The following TENM2 variants were observed in gnomAD, a reference collection of about 807,000 sequenced individuals.
TENM2 encodes teneurin transmembrane protein 2, also known as teneurin-2.
TENM2 carries 52 observed loss-of-function variants against 245.2 expected under a neutral mutation model. That is an observed-to-expected ratio of 0.21 (90% CI 0.17 to 0.27). The LOEUF (loss-of-function observed/expected upper bound fraction) is 0.27. TENM2 is among the 10% of genes least tolerant of loss of function. The pLI is 1.00. For missense variants in TENM2, 3,046 were observed against 3,666.8 expected (o/e 0.83, Z 4.37); for synonymous variants, 1,363 against 1,438.9 (o/e 0.95, Z 1.19).
chr5:167,392,804 ATATT>A (rs1042980850), intron 2 of TENM2, among the ~76,000 whole-genome samples: 5 of 152,284 alleles, frequency 3.3e-5, no homozygotes, highest in East Asian at 3.9e-4. Context: ...TGTACTCAGA[ATATT>A]TATTTAGTTA....
At chr5:166,979,225 CAG>C in the TENM2 span, among the ~76,000 whole-genome samples, 4 of 151,738 alleles carry the variant, frequency 2.6e-5, no homozygotes, top group Non-Finnish European at 5.9e-5. Flanking sequence ...GCAGCAGCAG[CAG>C]CAGCAGCAGC....
intron 2 of TENM2, among the ~76,000 whole-genome samples, chr5:167,380,902 A>G (rs996016504): frequency 6.6e-6 from 1 of 152,072 alleles, no homozygotes; most frequent in African/African-American, 2.4e-5. Flanking sequence ...TCATTTTTTT[A>G]AGTTTAGTTG....
intron 1 of TENM2, among the ~76,000 whole-genome samples, chr5:167,306,791 C>A (rs1358991146): frequency 6.6e-6 from 1 of 152,202 alleles, no homozygotes; most frequent in Non-Finnish European, 1.5e-5. Context: ...CCCTCTTTCT[C>A]TAACACAGAT....
rs1196429343 is a variant in TENM2, at chr5:167,512,470, A to G, written c.502+136997A>G. Among the ~76,000 whole-genome samples, 6 of 152,172 alleles carry G rather than the reference A, an allele frequency of 3.9e-5. No homozygotes were observed. In the East Asian group the frequency reaches 9.6e-4, roughly 24 times the overall value. On this transcript the variant is annotated intron_variant, in intron 2 of 28. Coordinates refer to ENST00000518659, the Ensembl canonical transcript of TENM2. Reference sequence around the variant, plus strand: ...TAATAAAACGTAATTTTCATTTTACATTATACAGATTACAATCCCTACACT... The same window carrying G: ...TAATAAAACGTAATTTTCATTTTACGTTATACAGATTACAATCCCTACACT...
intron 1 of TENM2, among the ~76,000 whole-genome samples, chr5:167,303,999 T>C (rs768831356): frequency 6.6e-6 from 1 of 152,194 alleles, no homozygotes; most frequent in Non-Finnish European, 1.5e-5. Flanking sequence ...TCTGTAATGG[T>C]CACTTGTGGA....
At chr5:167,870,401 A>T (rs923028585) in intron 2 of TENM2, among the ~76,000 whole-genome samples, 1 of 152,038 alleles carries the variant, frequency 6.6e-6, no homozygotes, top group Non-Finnish European at 1.5e-5. Context: ...TTGGAGTCAG[A>T]TGACTTGGGT....
chr5:167,244,272 A>G, the TENM2 span, among the ~76,000 whole-genome samples: 6 of 152,208 alleles, frequency 3.9e-5, no homozygotes, highest in Non-Finnish European at 7.3e-5. Flanking sequence ...AATAACTATC[A>G]TAATAGTGAC....
chr5:167,038,426 C>T, the TENM2 span, among the ~76,000 whole-genome samples: 6 of 152,138 alleles, frequency 3.9e-5, no homozygotes, highest in Non-Finnish European at 7.4e-5. Context: ...CCTCTATGAC[C>T]AGGGATTGTA....
At chr5:167,266,651 TTTGA>T in the TENM2 span, among the ~76,000 whole-genome samples, 1 of 152,202 alleles carries the variant, frequency 6.6e-6, no homozygotes, top group African/African-American at 2.4e-5. Flanking sequence ...AGTTTCTTTA[TTTGA>T]TTCCTTATCT....
At chr5:167,748,634 G>T (rs954497165) in intron 2 of TENM2, among the ~76,000 whole-genome samples, 5 of 143,102 alleles carry the variant, frequency 3.5e-5, no homozygotes, top group Admixed American at 6.9e-5. Flanking sequence ...AAACAAAGGA[G>T]GTTTAATTGA....
exon 6 of TENM2, chr5:168,047,538 C>A: frequency 6.4e-6 from 10 of 1,551,720 alleles, no homozygotes; most frequent in Non-Finnish European, 8.7e-6. Flanking sequence ...ACAATGCCAT[C>A]TGGAGGCAAA....
intron 19 of TENM2, among the ~76,000 whole-genome samples, chr5:168,209,059 G>C (rs992700417): frequency 2.6e-5 from 4 of 151,984 alleles, no homozygotes; most frequent in Admixed American, 6.6e-5. Context: ...CAGTTATTTT[G>C]TAATTTCATT....
the TENM2 span, among the ~76,000 whole-genome samples, chr5:167,257,700 G>A: frequency 6.6e-6 from 1 of 152,022 alleles, no homozygotes; most frequent in Non-Finnish European, 1.5e-5. Context: ...TTCACAATCA[G>A]TATAATTTTT....
intron 21 of TENM2, among the ~76,000 whole-genome samples, chr5:168,215,687 C>CTTAT (rs773045605): frequency 3.2e-4 from 48 of 152,272 alleles, no homozygotes; most frequent in South Asian, 6.2e-4. Context: ...AAAAGAAAAC[C>CTTAT]TTATTTATTT....
the TENM2 span, among the ~76,000 whole-genome samples, chr5:167,143,368 T>C: frequency 6.6e-6 from 1 of 152,228 alleles, no homozygotes. Context: ...GGATCATTAA[T>C]AGGTTTTCTA....
intron 23 of TENM2, among the ~76,000 whole-genome samples, chr5:168,223,615 C>A (rs187320737): frequency 6.6e-6 from 1 of 151,886 alleles, no homozygotes; most frequent in Non-Finnish European, 1.5e-5. Context: ...TACAGGCACA[C>A]GGCACTGCGC....
chr5:167,116,022 G>A, the TENM2 span, among the ~76,000 whole-genome samples: 6 of 152,172 alleles, frequency 3.9e-5, no homozygotes, highest in South Asian at 2.1e-4. Flanking sequence ...TAATTTGCAC[G>A]CTGTCTGGCA....
chr5:166,979,188 CCACCACCAG>C, the TENM2 span, among the ~76,000 whole-genome samples: 2 of 97,548 alleles, frequency 2.1e-5, no homozygotes, highest in Non-Finnish European at 4.3e-5. Context: ...AGCAGCAGCA[CCACCACCAG>C]CAGCAGCAGC....
chr5:168,243,904 C>T (rs1365082988), intron 25 of TENM2, among the ~76,000 whole-genome samples: 2 of 150,792 alleles, frequency 1.3e-5, no homozygotes, highest in Non-Finnish European at 3.0e-5. Context: ...TTGCATATTG[C>T]ACCATACAAA....
Sources: allele counts gnomAD v4.1 joint callset (sites outside exome capture counted in the v4.1 genomes callset), GRCh38; gene constraint gnomAD v4.1.1; transcripts MANE v1.5; gene names NCBI Gene and HGNC (gene_info 2026-07-23, HGNC 2026-07-21).